The following CFAP20DC variants were observed in gnomAD, a reference collection of about 807,000 sequenced individuals.
The protein encoded by CFAP20DC is protein CFAP20DC.
Under a neutral mutation model 101.7 loss-of-function variants are expected in CFAP20DC, and 84 were observed. That is an observed-to-expected ratio of 0.83 (90% CI 0.69 to 0.99). The LOEUF is 0.99. Among genes scored for constraint, CFAP20DC ranks in the 50% least tolerant of loss-of-function variants. CFAP20DC has a pLI of 0.00. For synonymous variants in CFAP20DC, 359 were observed against 351.2 expected, an observed-to-expected ratio of 1.02 and a Z score of -0.25; for missense variants, 1,007 against 970.3, an observed-to-expected ratio of 1.04 and a Z score of -0.50.
Position 58,788,065 on chromosome 3 carries a change from A to G in CFAP20DC, c.2237+18330T>C, listed in dbSNP as rs923393602. Among the ~76,000 whole-genome samples the G allele has an allele frequency of 5.3e-5, 8 of 151,758 alleles. No individual in the cohort carries two copies. The highest frequency in any genetic ancestry group is 1.7e-4 in the African/African-American group (7 of 41,270). On this transcript the variant is annotated intron_variant, in intron 15 of 16. Transcript: ENST00000482387. The surrounding 1 kb of genome is among the most constrained non-coding windows in gnomAD (Gnocchi z 4.2). ...GATGGGTTGATAGGTGCAGCAAACC[A>G]CCATGGCATGTGTATACCTATACAT...
At chr3:58,718,862 T>C (rs573035941) in intron 3 of CFAP20DC, among the ~76,000 whole-genome samples, 51 of 152,196 alleles carry the variant, frequency 3.4e-4, no homozygotes, top group Non-Finnish European at 6.5e-4. Context: ...CTAATTAATC[T>C]GGGGAGGGAG....
intron 6 of CFAP20DC, among the ~76,000 whole-genome samples, chr3:58,906,792 G>A (rs758877104): frequency 6.6e-6 from 1 of 152,050 alleles, no homozygotes; most frequent in Non-Finnish European, 1.5e-5. Context: ...AGCTAGGCAG[G>A]TGGTACACAC....
intron 15 of CFAP20DC, among the ~76,000 whole-genome samples, chr3:58,780,477 C>G (rs2071727569): frequency 6.6e-6 from 1 of 151,778 alleles, no homozygotes; most frequent in Admixed American, 6.6e-5. Context: ...ATTAATGTTT[C>G]CATTTAAAAG....
At chr3:58,731,842 T>A (rs1287301684) in intron 3 of CFAP20DC, among the ~76,000 whole-genome samples, 1 of 152,150 alleles carries the variant, frequency 6.6e-6, no homozygotes, top group Non-Finnish European at 1.5e-5. Flanking sequence ...AATAAGCAAT[T>A]TGGACTTTAG....
chr3:58,938,235 G>A (rs1198995230), intron 4 of CFAP20DC, among the ~76,000 whole-genome samples: 1 of 152,106 alleles, frequency 6.6e-6, no homozygotes, highest in Non-Finnish European at 1.5e-5. Flanking sequence ...CCTGGCTGTC[G>A]GTTTCACTTC....
At chr3:58,716,467 G>T (rs2107034150), downstream of CFAP20DC, among the ~76,000 whole-genome samples, 1 of 152,012 alleles carries the variant, frequency 6.6e-6, no homozygotes, top group South Asian at 2.1e-4. Flanking sequence ...CCGGCCTGCA[G>T]TCAGATAATT....
chr3:58,959,615 T>C (rs1156311208), intron 4 of CFAP20DC, among the ~76,000 whole-genome samples: 2 of 152,244 alleles, frequency 1.3e-5, no homozygotes, highest in African/African-American at 2.4e-5. Flanking sequence ...TGCTGCTGCA[T>C]TGATCTACAT....
chr3:58,816,929 G>A lies in CFAP20DC; in HGVS notation c.2176-10473C>T, dbSNP rs557039658. On this transcript the variant is annotated intron_variant, in intron 14 of 16. Coordinates refer to ENST00000482387, the MANE Select transcript of CFAP20DC (RefSeq NM_001394063.1). ...AAGAGAGCAGTGGTTCTCCCAGCAC[G>A]CAGCTGGAGATCTGAGAACCAGCAG... 5.4e-4 allele frequency among the ~76,000 whole-genome samples: 83 copies of A among 152,316 alleles called. 1 individual carries two copies. Among genetic ancestry groups the A allele is most frequent in the Admixed American group, 5.2e-4 (8 of 15,300 alleles).
chr3:58,970,953 T>A (rs2091913118), intron 4 of CFAP20DC, among the ~76,000 whole-genome samples: 3 of 152,132 alleles, frequency 2.0e-5, no homozygotes, highest in African/African-American at 7.2e-5. Context: ...GTTGCTTATT[T>A]AAAAAATAAC....
intron 4 of CFAP20DC, among the ~76,000 whole-genome samples, chr3:59,030,916 C>G (rs370602578): frequency 2.6e-5 from 4 of 152,116 alleles, no homozygotes; most frequent in African/African-American, 9.7e-5. Context: ...CTCCGCCTCC[C>G]GGGTTCACGC....
intron 15 of CFAP20DC, among the ~76,000 whole-genome samples, chr3:58,802,769 A>C (rs1427174070): frequency 6.6e-6 from 1 of 152,162 alleles, no homozygotes; most frequent in African/African-American, 2.4e-5. Context: ...TATATGCAGC[A>C]CTTTAGCTAT....
rs114952857 is a variant in CFAP20DC, at chr3:58,914,694, T to A, written c.394-830A>T. 0.04 allele frequency among the ~76,000 whole-genome samples: 5,847 copies of A among 147,556 alleles called. 355 individuals are homozygous for A. Among genetic ancestry groups the A allele is most frequent in the African/African-American group, 0.13 (5,312 of 39,700 alleles). On this transcript the variant is annotated intron_variant, in intron 5 of 16. Coordinates refer to ENST00000482387, the MANE Select transcript of CFAP20DC (RefSeq NM_001394063.1). This position sits in a 1 kb window ranked among gnomAD's most constrained non-coding sequence, Gnocchi z 4.9. ...TATATATAAATATATATATATATAT[T>A]TTTTTTCTTTTTTTTAAAGACAAAT...
chr3:58,757,964 C>CT, intron 15 of CFAP20DC, among the ~76,000 whole-genome samples: 1 of 152,184 alleles, frequency 6.6e-6, no homozygotes. Context: ...TCAACCAGGA[C>CT]TTTTCTTGCA....
intron 6 of CFAP20DC, among the ~76,000 whole-genome samples, chr3:58,896,607 A>C (rs570112979): frequency 6.6e-6 from 1 of 152,300 alleles, no homozygotes; most frequent in African/African-American, 2.4e-5. Context: ...AGTTTCAAAA[A>C]ACTTCTTGAT....
chr3:59,011,047 G>C (rs996662953), intron 4 of CFAP20DC, among the ~76,000 whole-genome samples: 1 of 152,124 alleles, frequency 6.6e-6, no homozygotes, highest in Non-Finnish European at 1.5e-5. Context: ...AAACCTCTGG[G>C]ATACAACAAA....
rs867952146 is a variant in CFAP20DC, at chr3:58,729,526, T to C, written c.198-11898A>G. On this transcript the variant is annotated intron_variant, in intron 3 of 3. Coordinates refer to the CFAP20DC transcript ENST00000486145. This position sits in a 1 kb window ranked among gnomAD's most constrained non-coding sequence, Gnocchi z 4.4. ...GTTTTAAGACACTAGATAAGTTTGT[T>C]AATTTTAGTAATTTATCTGTAGATT... Among the ~76,000 whole-genome samples the C allele has an allele frequency of 3.5e-4, 54 of 152,226 alleles. No individual in the cohort carries two copies. Among genetic ancestry groups the C allele is most frequent in the African/African-American group, 1.2e-3 (49 of 41,460 alleles).
intron 14 of CFAP20DC, among the ~76,000 whole-genome samples, chr3:58,818,296 A>C (rs1297383266): frequency 6.6e-6 from 1 of 150,840 alleles, no homozygotes; most frequent in African/African-American, 2.4e-5. Context: ...AACAATATTA[A>C]CTTTAAATGT....
intron 4 of CFAP20DC, among the ~76,000 whole-genome samples, chr3:58,991,977 C>T (rs904513458): frequency 2.0e-5 from 3 of 152,176 alleles, no homozygotes; most frequent in African/African-American, 7.2e-5. Flanking sequence ...ATTACTGCTG[C>T]TAAACACATA....
intron 6 of CFAP20DC, among the ~76,000 whole-genome samples, chr3:58,890,755 G>GC (rs1372084629): frequency 2.0e-5 from 3 of 151,016 alleles, no homozygotes; most frequent in African/African-American, 7.3e-5. Context: ...CGGGGTTGCG[G>GC]CCGGGCAGAG....
Sources: allele counts gnomAD v4.1 joint callset (sites outside exome capture counted in the v4.1 genomes callset), GRCh38; gene constraint gnomAD v4.1.1; non-coding constraint Gnocchi (gnomAD v3.1); transcripts MANE v1.5; gene names NCBI Gene and HGNC (gene_info 2026-07-23, HGNC 2026-07-21).